Variants in KLRG1 observed in about 807,000 individuals in gnomAD.
KLRG1 encodes killer cell lectin like receptor G1.
KLRG1 carries 16 observed loss-of-function variants against 21.8 expected under a neutral mutation model. The observed-to-expected ratio is 0.73, with a 90% CI of 0.50 to 1.11. KLRG1 has a LOEUF of 1.11. Among genes scored for constraint, KLRG1 ranks in the 50% most tolerant of loss-of-function variants. The pLI, the probability that KLRG1 is intolerant of heterozygous loss-of-function variation, is 0.00. For missense variants in KLRG1, 173 were observed against 218.3 expected, an observed-to-expected ratio of 0.79 and a Z score of 1.31; for synonymous variants, 69 against 75.9, an observed-to-expected ratio of 0.91 and a Z score of 0.47.
At chr12:9,074,183 C>T in the KLRG1 span, among the ~76,000 whole-genome samples, 9 of 150,776 alleles carry the variant, frequency 6.0e-5, no homozygotes, top group East Asian at 1.2e-3. Context: ...GAGAGATTTG[C>T]GAGGAGAGGT....
the KLRG1 span, among the ~76,000 whole-genome samples, chr12:9,098,978 A>T: frequency 6.6e-6 from 1 of 152,158 alleles, no homozygotes; most frequent in Non-Finnish European, 1.5e-5. Flanking sequence ...ATTCTTATAA[A>T]TTACTAGTCA....
the KLRG1 span, chr12:9,149,516 T>G: frequency 6.5e-7 from 1 of 1,544,792 alleles, no homozygotes; most frequent in South Asian, 1.2e-5. Context: ...CCTTGGAGAG[T>G]GGGTTAATGC....
intron 3 of KLRG1, among the ~76,000 whole-genome samples, chr12:9,001,496 C>G (rs1947306071): frequency 6.6e-6 from 1 of 152,140 alleles, no homozygotes; most frequent in Non-Finnish European, 1.5e-5. Context: ...ATAAAGGTAT[C>G]TAGGTTGCTG....
chr12:9,204,801 A>C, the KLRG1 span, among the ~76,000 whole-genome samples: 1 of 152,290 alleles, frequency 6.6e-6, no homozygotes, highest in Admixed American at 6.5e-5. Flanking sequence ...ATAAAAAAAA[A>C]CAAACAGGTT....
the KLRG1 span, among the ~76,000 whole-genome samples, chr12:9,201,579 T>G: frequency 1.3e-5 from 2 of 152,192 alleles, no homozygotes; most frequent in African/African-American, 4.8e-5. Context: ...AAAATTATTA[T>G]TGGTGAATGA....
chr12:9,128,927 G>T, the KLRG1 span, among the ~76,000 whole-genome samples: 1 of 152,156 alleles, frequency 6.6e-6, no homozygotes, highest in East Asian at 1.9e-4. Context: ...ATGTATTTAG[G>T]CTCTAACTAT....
chr12:8,950,929 C>A (rs970860386), intron 1 of KLRG1, among the ~76,000 whole-genome samples: 2 of 151,990 alleles, frequency 1.3e-5, no homozygotes, highest in Non-Finnish European at 2.9e-5. Flanking sequence ...TGCTCTCAAG[C>A]ACTACGCTTT....
At chr12:9,208,410 T>G in the KLRG1 span, 4 of 1,248,844 alleles carry the variant, frequency 3.2e-6, no homozygotes, top group Non-Finnish European at 4.7e-6. Context: ...ACCAGCTGAG[T>G]TTACCAGGCT....
the KLRG1 span, among the ~76,000 whole-genome samples, chr12:9,142,406 G>C: frequency 6.6e-6 from 1 of 152,198 alleles, no homozygotes; most frequent in Non-Finnish European, 1.5e-5. Context: ...GTATTTGGCA[G>C]AGATAAGTAT....
intron 1 of KLRG1, among the ~76,000 whole-genome samples, chr12:8,961,567 C>G (rs1315485992): frequency 6.7e-6 from 1 of 150,076 alleles, no homozygotes; most frequent in Non-Finnish European, 1.5e-5. Flanking sequence ...CACCCACCAC[C>G]ATGCTCAGCT....
the KLRG1 span, among the ~76,000 whole-genome samples, chr12:9,166,774 T>G: frequency 6.6e-6 from 1 of 152,218 alleles, no homozygotes; most frequent in East Asian, 1.9e-4. Flanking sequence ...ACAATTCAGT[T>G]GTCAAAAACA....
At chr12:9,148,472 A>G in the KLRG1 span, among the ~76,000 whole-genome samples, 3 of 152,016 alleles carry the variant, frequency 2.0e-5, no homozygotes, top group Non-Finnish European at 4.4e-5. Context: ...TTATTTTTTT[A>G]ATCCATATAA....
the KLRG1 span, chr12:9,110,008 A>G: frequency 6.2e-7 from 1 of 1,613,184 alleles, no homozygotes; most frequent in Non-Finnish European, 8.5e-7. Flanking sequence ...AAACTCTGCC[A>G]TTGTGCGATG....
At chr12:9,085,588 C>T in the KLRG1 span, among the ~76,000 whole-genome samples, 1 of 151,752 alleles carries the variant, frequency 6.6e-6, no homozygotes, top group Admixed American at 6.6e-5. Flanking sequence ...AATGATATTC[C>T]TCAGAGAAGT....
the KLRG1 span, among the ~76,000 whole-genome samples, chr12:9,109,113 C>T: frequency 6.6e-6 from 1 of 151,940 alleles, no homozygotes; most frequent in African/African-American, 2.4e-5. Flanking sequence ...CAGTTTCTTA[C>T]CTCATGATAG....
the KLRG1 span, chr12:9,151,696 G>A: frequency 3.1e-6 from 5 of 1,594,826 alleles, no homozygotes; most frequent in Non-Finnish European, 4.3e-6. Context: ...GAAAACTTCA[G>A]TTAAAGTTAG....
At chr12:9,060,800 A>G in the KLRG1 span, among the ~76,000 whole-genome samples, 1 of 152,240 alleles carries the variant, frequency 6.6e-6, no homozygotes, top group Non-Finnish European at 1.5e-5. Flanking sequence ...TCGCTTCTTT[A>G]TAACTTATAT....
chr12:8,989,283 G>A (rs79132596), upstream of KLRG1, among the ~76,000 whole-genome samples: 2,724 of 152,202 alleles, frequency 0.018, 74 homozygotes, highest in African/African-American at 0.061. Flanking sequence ...AAAAAATTCC[G>A]AGAGAAATTC....
the KLRG1 span, chr12:9,163,742 G>A: frequency 1.9e-6 from 3 of 1,613,822 alleles, no homozygotes; most frequent in Admixed American, 5.0e-5. Context: ...TTTCCACAGA[G>A]TTCTAAGGAC....
Sources: gnomAD v4.1 joint callset for allele counts (sites outside exome capture counted in the v4.1 genomes callset) on GRCh38, gnomAD v4.1.1 for gene constraint, MANE v1.5 for transcripts, NCBI Gene and HGNC (gene_info 2026-07-23, HGNC 2026-07-21) for gene names.